MCF2: variants seen among roughly 807,000 people sequenced by gnomAD.
MCF2 encodes the protein MCF.2 cell line derived transforming sequence, also known as proto-oncogene DBL.
MCF2 carries 44 observed loss-of-function variants against 82.5 expected under a neutral mutation model. The observed-to-expected ratio is 0.53, with a 90% confidence interval of 0.42 to 0.69. The LOEUF is 0.69. MCF2 is among the 30% of genes least tolerant of loss of function. The pLI, the probability that MCF2 is intolerant of heterozygous loss-of-function variation, is 0.00. For missense variants in MCF2, 623 were observed against 663.1 expected (o/e 0.94, Z 0.66); for synonymous variants, 217 against 224.9 (o/e 0.96, Z 0.32).
At chrX:139,673,727 TACTTCCA>T (rs1486367564) in intron 1 of MCF2, among the ~76,000 whole-genome samples, 3 of 112,000 alleles carry the variant, frequency 2.7e-5, no homozygotes, top group African/African-American at 9.7e-5. Flanking sequence ...AGGAGTGCTT[TACTTCCA>T]ACTATGTGGT....
rs550449051 is a variant in MCF2, at chrX:139,667,308, A to G, written c.-44-15520T>C. Among the ~76,000 whole-genome samples, 6 of 108,380 alleles carry G rather than the reference A, an allele frequency of 5.5e-5. No individual in the cohort carries two copies. In the South Asian group the frequency reaches 1.6e-3, roughly 29 times the overall value. 94.1% of individuals were successfully genotyped at this position (108,380 alleles called of 115,157 possible). Reference sequence around the variant, plus strand: ...ATTTTTTAAGAGATAGGGTCTCACTATGTTGCTCAGGTTAGTCCCAGTCAT... The same window carrying G: ...ATTTTTTAAGAGATAGGGTCTCACTGTGTTGCTCAGGTTAGTCCCAGTCAT... On this transcript the variant is annotated intron_variant, in intron 1 of 27. Coordinates refer to the MCF2 transcript ENST00000414978.
intron 6 of MCF2, among the ~76,000 whole-genome samples, chrX:139,621,161 C>G (rs1306733046): frequency 9.0e-6 from 1 of 111,369 alleles, no homozygotes; most frequent in Non-Finnish European, 1.9e-5. Flanking sequence ...AAGAGTGAAA[C>G]TGGACCCCTA....
intron 1 of MCF2, among the ~76,000 whole-genome samples, chrX:139,694,203 A>C (rs1345800547): frequency 8.9e-6 from 1 of 111,984 alleles, no homozygotes; most frequent in Non-Finnish European, 1.9e-5. Context: ...AGGTTTAGAA[A>C]GCTATTAGAA....
In MCF2 at chrX:139,632,414, C is replaced by T. The variant is rs774898961; in HGVS notation, c.92G>A (p.Arg31His). Residue 31 changes from arginine (R) to histidine (H), a missense_variant, in exon 2 of 25, where the codon CGT (arginine) becomes CAT (histidine). Arg to His is a conservative substitution (Grantham distance 29). Coordinates refer to ENST00000370576, the Ensembl canonical transcript of MCF2. Reference sequence around the variant, plus strand: ...CGTTCGTTGAAGAAAGCTGGTAGGACGTAAAACCAAAACCAAGTGCAAGTT... The same window carrying T: ...CGTTCGTTGAAGAAAGCTGGTAGGATGTAAAACCAAAACCAAGTGCAAGTT... The T allele has an allele frequency of 7.5e-6, 9 of 1,204,059 alleles. No individual in the cohort carries two copies. In the East Asian group the frequency reaches 8.9e-5, roughly 12 times the overall value.
chrX:139,582,747 T>C (rs1928584465), intron 24 of MCF2, among the ~76,000 whole-genome samples: 1 of 111,775 alleles, frequency 8.9e-6, no homozygotes, highest in African/African-American at 3.3e-5. Flanking sequence ...ATTTTGCATA[T>C]TTACTTTATC....
intron 1 of MCF2, chrX:139,642,356 C>A: frequency 1.0e-6 from 1 of 1,000,463 alleles, no homozygotes; most frequent in African/African-American, 1.9e-5. Context: ...TCCATTCTCT[C>A]CATCTGTCCT....
intron 1 of MCF2, among the ~76,000 whole-genome samples, chrX:139,700,126 G>A (rs1340720051): frequency 8.9e-6 from 1 of 111,853 alleles, no homozygotes; most frequent in Non-Finnish European, 1.9e-5. Context: ...ATGGGGGCAT[G>A]AGAACGAAGT....
At chrX:139,645,140 T>C (rs1216163917), upstream of MCF2, among the ~76,000 whole-genome samples, 2 of 111,162 alleles carry the variant, frequency 1.8e-5, no homozygotes, top group African/African-American at 6.5e-5. Flanking sequence ...ATCTAGAAAG[T>C]TGTACACTGA....
chrX:139,706,875 T>C (rs932969821), intron 1 of MCF2, among the ~76,000 whole-genome samples: 1 of 110,067 alleles, frequency 9.1e-6, no homozygotes, highest in African/African-American at 3.3e-5. Flanking sequence ...TTGTCTAAGA[T>C]ATTTTCAGAC....
chrX:139,692,258 G>A, intron 1 of MCF2: 1 of 420,823 alleles, frequency 2.4e-6, no homozygotes, highest in Non-Finnish European at 3.9e-6. Flanking sequence ...GCCGCCGCTG[G>A]GCACTCAGGC....
intron 1 of MCF2, among the ~76,000 whole-genome samples, chrX:139,703,757 C>T (rs1268046119): frequency 9.1e-6 from 1 of 109,413 alleles, no homozygotes; most frequent in African/African-American, 3.3e-5. Context: ...AACAAACCAA[C>T]AAAAAACAAA....
chrX:139,645,665 G>A (rs768628179), upstream of MCF2: 23 of 1,100,050 alleles, frequency 2.1e-5, no homozygotes, highest in Admixed American at 2.3e-5. Flanking sequence ...TTGCCTGAAC[G>A]ATAAGAAGAA....
At chrX:139,584,577 T>C (rs954026538) in intron 24 of MCF2, among the ~76,000 whole-genome samples, 1 of 112,071 alleles carries the variant, frequency 8.9e-6, no homozygotes, top group African/African-American at 3.2e-5. Flanking sequence ...GGGTGCTCCC[T>C]TGCTCTAATA....
At chrX:139,645,551 A>G (rs779272409), upstream of MCF2, 9 of 1,032,962 alleles carry the variant, frequency 8.7e-6, no homozygotes, top group South Asian at 1.4e-4. Context: ...GTTACTGTAT[A>G]ATGCATAGAT....
chrX:139,594,711 C>A (rs1458983661), intron 19 of MCF2, among the ~76,000 whole-genome samples: 2 of 108,433 alleles, frequency 1.8e-5, no homozygotes, highest in Admixed American at 9.8e-5. Flanking sequence ...GCAACAAAAG[C>A]CAAAATTGAC....
chrX:139,677,650 G>A (rs1934902208), intron 1 of MCF2, among the ~76,000 whole-genome samples: 1 of 111,727 alleles, frequency 9.0e-6, no homozygotes, highest in Admixed American at 9.5e-5. Flanking sequence ...CCCCCTTTAA[G>A]CCATCTGTGG....
At chrX:139,590,895 A>T (rs1342881085) in intron 19 of MCF2, among the ~76,000 whole-genome samples, 2 of 110,715 alleles carry the variant, frequency 1.8e-5, no homozygotes, top group Non-Finnish European at 3.8e-5. Context: ...TAACATATTA[A>T]TGAAAGAACC....
At chrX:139,691,905 G>C (rs773194414) in intron 1 of MCF2, 1 of 1,159,833 alleles carries the variant, frequency 8.6e-7, no homozygotes, top group Middle Eastern at 2.6e-4. Flanking sequence ...GATGAGAGGA[G>C]GGGACTTACC....
intron 1 of MCF2, among the ~76,000 whole-genome samples, chrX:139,683,266 T>C (rs1425491359): frequency 8.9e-6 from 1 of 112,682 alleles, no homozygotes; most frequent in Non-Finnish European, 1.9e-5. Flanking sequence ...AAACTAAAGA[T>C]GAATAACTAT....
Sources: gnomAD v4.1 joint callset for allele counts (sites outside exome capture counted in the v4.1 genomes callset) on GRCh38, gnomAD v4.1.1 for gene constraint, MANE v1.5 for transcripts, NCBI Gene and HGNC (gene_info 2026-07-23, HGNC 2026-07-21) for gene names.